SORCS1: variants seen among roughly 807,000 people sequenced by gnomAD.
SORCS1 encodes the protein sortilin related VPS10 domain containing receptor 1.
In SORCS1, 60 loss-of-function variants were observed where a neutral mutation model predicts 146.1. The observed-to-expected ratio is 0.41, with a 90% confidence interval of 0.33 to 0.51. The LOEUF (loss-of-function observed/expected upper bound fraction) is 0.51, where lower values mean the gene tolerates loss of function less well. Ranked by LOEUF, SORCS1 falls within the 20% of genes least tolerant of loss-of-function variation. The pLI is 0.21. For missense variants in SORCS1, 1,352 were observed against 1,487.6 expected (o/e 0.91, Z 1.50); for synonymous variants, 637 against 584.0 (o/e 1.09, Z -1.31).
At chr10:106,972,668 A>G (rs1955837609) in intron 1 of SORCS1, among the ~76,000 whole-genome samples, 2 of 152,018 alleles carry the variant, frequency 1.3e-5, no homozygotes, top group Non-Finnish European at 2.9e-5. Context: ...TGCTCTCATT[A>G]CCCATCATAG....
At chr10:107,168,144 C>T (rs557491119), upstream of SORCS1, among the ~76,000 whole-genome samples, 201 of 152,266 alleles carry the variant, frequency 1.3e-3, 1 homozygote, top group African/African-American at 4.1e-3. Context: ...CTATCCTTTT[C>T]GCTGATGTGC....
chr10:106,583,956 A>T (rs527543599), intron 24 of SORCS1, among the ~76,000 whole-genome samples: 17 of 152,298 alleles, frequency 1.1e-4, no homozygotes, highest in Admixed American at 3.3e-4. Flanking sequence ...TTCCTGGAGA[A>T]CTGCTACTTG....
chr10:106,942,283 G>T (rs929534297), intron 2 of SORCS1, among the ~76,000 whole-genome samples: 5 of 152,058 alleles, frequency 3.3e-5, no homozygotes, highest in Admixed American at 1.3e-4. Context: ...TTCACTGTTT[G>T]TCCTCCTCCC....
At chr10:106,736,701 C>A (rs1043755295) in intron 5 of SORCS1, among the ~76,000 whole-genome samples, 6 of 138,128 alleles carry the variant, frequency 4.3e-5, no homozygotes, top group Admixed American at 3.7e-4. Context: ...CCAACACGGG[C>A]AAATGGGCCA....
intron 17 of SORCS1, among the ~76,000 whole-genome samples, chr10:106,656,422 G>A (rs1014964845): frequency 2.6e-5 from 4 of 152,292 alleles, no homozygotes; most frequent in Non-Finnish European, 5.9e-5. Context: ...TTGCTGGCGG[G>A]CGCCTGTAGT....
intron 2 of SORCS1, among the ~76,000 whole-genome samples, chr10:106,937,172 A>ATT (rs141215404): frequency 0.065 from 9,365 of 143,034 alleles, 792 homozygotes; most frequent in African/African-American, 0.19. Context: ...AGAAGATCTG[A>ATT]TTTTTTTTTT....
chr10:106,676,593 A>G (rs1422174510), intron 13 of SORCS1, among the ~76,000 whole-genome samples: 4 of 152,096 alleles, frequency 2.6e-5, no homozygotes, highest in Non-Finnish European at 5.9e-5. Context: ...ACATTTGCAA[A>G]GTATAATGCA....
At chr10:106,625,260 C>T (rs1292158651) in intron 19 of SORCS1, among the ~76,000 whole-genome samples, 2 of 150,208 alleles carry the variant, frequency 1.3e-5, no homozygotes, top group African/African-American at 4.9e-5. Context: ...ACTGGCTGCT[C>T]TGGCCTGCCT....
At chr10:106,877,230 G>A (rs1950620341) in intron 2 of SORCS1, among the ~76,000 whole-genome samples, 1 of 152,032 alleles carries the variant, frequency 6.6e-6, no homozygotes, top group Admixed American at 6.6e-5. Flanking sequence ...CTGGTTAATG[G>A]GCTGTAAGAG....
intron 9 of SORCS1, among the ~76,000 whole-genome samples, chr10:106,695,432 C>T (rs1853624015): frequency 6.6e-6 from 1 of 152,164 alleles, no homozygotes; most frequent in Non-Finnish European, 1.5e-5. Flanking sequence ...AAATACAAGC[C>T]CAGATGCTGA....
rs1466454064 is a variant in SORCS1, at chr10:106,620,411, G to C, written c.2796+17C>G. The C allele has an allele frequency of 6.2e-7, 1 of 1,607,374 alleles. No individual in the cohort carries two copies. Among genetic ancestry groups the C allele is most frequent in the African/African-American group, 1.3e-5 (1 of 74,802 alleles). ...TTGAGCTTCTGTCCCTAGATCGCAT[G>C]TGGAAGGTGAACCCACCTCCGTGTT... On this transcript the variant is annotated intron_variant, in intron 20 of 25. Coordinates refer to ENST00000263054, the MANE Select transcript of SORCS1 (RefSeq NM_052918.5).
At chr10:106,585,536 C>T (rs72821137) in intron 24 of SORCS1, among the ~76,000 whole-genome samples, 2,829 of 152,242 alleles carry the variant, frequency 0.019, 35 homozygotes, top group Middle Eastern at 0.048. Context: ...CAAGTCTCCC[C>T]TAAGTGAGCA....
intron 17 of SORCS1, among the ~76,000 whole-genome samples, chr10:106,663,549 C>A (rs202013865): frequency 6.6e-6 from 1 of 152,122 alleles, no homozygotes; most frequent in Admixed American, 6.5e-5. Flanking sequence ...TTAGTGGCTA[C>A]AAGATTATAT....
chr10:106,877,916 C>T (rs968673220), intron 2 of SORCS1, among the ~76,000 whole-genome samples: 1 of 152,160 alleles, frequency 6.6e-6, no homozygotes, highest in African/African-American at 2.4e-5. Flanking sequence ...AAACAACTCT[C>T]AGAGTAGTAA....
chr10:107,147,046 C>T (rs1968389945), intron 1 of SORCS1, among the ~76,000 whole-genome samples: 1 of 152,148 alleles, frequency 6.6e-6, no homozygotes, highest in African/African-American at 2.4e-5. Context: ...TCCTTACCTA[C>T]ATTTAATTGA....
chr10:106,900,155 C>T (rs1282357381), intron 2 of SORCS1, among the ~76,000 whole-genome samples: 2 of 152,104 alleles, frequency 1.3e-5, no homozygotes, highest in Non-Finnish European at 2.9e-5. Context: ...ATTTTCATTA[C>T]ATCCTGTTTT....
rs569892454 is a variant in SORCS1 at position 107,027,923 on chromosome 10, G to C, written c.559-71343C>G. 2.0e-5 allele frequency among the ~76,000 whole-genome samples: 3 copies of C among 152,344 alleles called. 1 individual carries two copies. In the South Asian group the frequency reaches 6.2e-4, roughly 32 times the overall value. On this transcript the variant is annotated intron_variant, in intron 1 of 25. Transcript: ENST00000263054. ...CTTGATGGGAAGAACAGTATTCACA[G>C]TTCTCTACCTGGTGTCTGGCACAAG...
At chr10:106,738,340 T>A (rs1194618306) in intron 5 of SORCS1, among the ~76,000 whole-genome samples, 2 of 152,228 alleles carry the variant, frequency 1.3e-5, no homozygotes, top group Admixed American at 1.3e-4. Context: ...GTAGTAAATG[T>A]GAGCAAATCA....
intron 2 of SORCS1, among the ~76,000 whole-genome samples, chr10:106,930,055 G>A (rs1383266450): frequency 1.3e-5 from 2 of 152,120 alleles, no homozygotes; most frequent in African/African-American, 4.8e-5. Context: ...GACCATCCTG[G>A]CTAACACGGT....
Sources: allele counts gnomAD v4.1 joint callset (sites outside exome capture counted in the v4.1 genomes callset), GRCh38; gene constraint gnomAD v4.1.1; transcripts MANE v1.5; gene names NCBI Gene and HGNC (gene_info 2026-07-23, HGNC 2026-07-21).